The following ZNF266 variants were observed in gnomAD, a reference collection of about 807,000 sequenced individuals.
The protein encoded by ZNF266 is zinc finger protein 1.
In ZNF266, 16 loss-of-function variants were observed where a neutral mutation model predicts 16.4. The ratio of observed to expected loss-of-function variants is 0.98; its 90% confidence interval spans 0.66 to 1.48. ZNF266 has a LOEUF of 1.48. ZNF266 is among the 40% of genes most tolerant of loss of function. ZNF266 has a pLI of 0.00. For missense variants in ZNF266, 738 were observed against 689.1 expected (o/e 1.07, Z -0.79); for synonymous variants, 262 against 237.9 (o/e 1.10, Z -0.93).
chr19:9,417,297 G>A (rs1045515837), intron 9 of ZNF266, among the ~76,000 whole-genome samples: 9 of 152,050 alleles, frequency 5.9e-5, no homozygotes, highest in East Asian at 1.9e-4. Context: ...ACCTGAACCC[G>A]GGAGGCTGAA....
intron 5 of ZNF266, among the ~76,000 whole-genome samples, chr19:9,432,365 T>C (rs1023546614): frequency 3.3e-5 from 5 of 152,214 alleles, no homozygotes; most frequent in Non-Finnish European, 5.9e-5. Context: ...GGTTTGCCAA[T>C]ACACTCTCCA....
chr19:9,413,842 G>A lies in ZNF266; in HGVS notation c.1284C>T (p.Phe428=). ...PYKCKDCGKA[F]TQNSDLTKHA... ...GCTTAGTAAGGTCTGAGTTCTGAGT[G>A]AAGGCTTTCCCACAATCCTTACATT... The change falls in exon 11 of 11, where the codon TTC becomes TTT. Residue 428 remains phenylalanine (F), a synonymous_variant. Coordinates refer to ENST00000592904, the MANE Select transcript of ZNF266 (RefSeq NM_001370374.1). 1.2e-6 allele frequency: 2 copies of A among 1,614,092 alleles called. No individual in the cohort carries two copies. Among genetic ancestry groups the A allele is most frequent in the Non-Finnish European group, 8.5e-7 (1 of 1,179,980 alleles).
rs148389557 is a variant in ZNF266 at position 9,414,099 on chromosome 19, C to T, written c.1027G>A (p.Ala343Thr). The T allele has an allele frequency of 3.1e-5, 50 of 1,613,974 alleles. No individual in the cohort carries two copies. The highest frequency in any genetic ancestry group is 4.2e-5 in the Non-Finnish European group (49 of 1,180,022). Reference sequence around the variant, plus strand: ...CTTAAGCAAGAGGAAACAGTGAAGGCTCTCCCACAATCCTTACATTTATAA... The same window carrying T: ...CTTAAGCAAGAGGAAACAGTGAAGGTTCTCCCACAATCCTTACATTTATAA... ...KPYKCKDCGRAFTVSSCLSQH... is the reference protein window; with the variant it reads ...KPYKCKDCGRTFTVSSCLSQH... Residue 343 changes from alanine to threonine, a missense_variant, in exon 11 of 11, where the codon GCC becomes ACC. Coordinates refer to ENST00000592904, the MANE Select transcript of ZNF266 (RefSeq NM_001370374.1).
At chr19:9,424,863 A>G (rs575254951) in intron 5 of ZNF266, among the ~76,000 whole-genome samples, 4 of 152,328 alleles carry the variant, frequency 2.6e-5, no homozygotes, top group South Asian at 2.1e-4. Context: ...TTCTTCCCTC[A>G]TATCTTCTTA....
At chr19:9,431,325 C>G (rs1319577020) in intron 5 of ZNF266, among the ~76,000 whole-genome samples, 1 of 152,146 alleles carries the variant, frequency 6.6e-6, no homozygotes, top group Non-Finnish European at 1.5e-5. Flanking sequence ...AATATGGACG[C>G]CACATGCTCA....
In ZNF266 at chr19:9,413,583, A is replaced by G. The variant is rs1474365426; in HGVS notation, c.1543T>C (p.Ser515Pro). The G allele has an allele frequency of 6.2e-7, 1 of 1,614,068 alleles. No homozygotes were observed. The highest frequency in any genetic ancestry group is 8.5e-7 in the Non-Finnish European group (1 of 1,180,034). ...CGCATGTGATTATTAAGACTGGAGG[A>G]ATGCGTAAATGCTTTACCACATTCC... ...CLECGKAFTH[S>P]SSLNNHMRTH... Residue 515 changes from serine (S) to proline (P), a missense_variant, in exon 11 of 11, where the codon TCC becomes CCC. Physicochemically the swap from Ser to Pro is moderately conservative, Grantham distance 74. Coordinates refer to ENST00000592904, the MANE Select transcript of ZNF266 (RefSeq NM_001370374.1).
At position 9,413,684 on chromosome 19, in the gene ZNF266, C is replaced by T. The variant is rs866036678; in HGVS notation, c.1442G>A (p.Gly481Glu). The change falls in exon 11 of 11, where the codon GGG (glycine) becomes GAG (glutamate). Residue 481 changes from glycine (G) to glutamate (E), a missense_variant. By Grantham distance (98) the Gly-to-Glu change is moderately conservative. Transcript: ENST00000592904. ...GEKPFECVKC[G>E]KAFAISSNLS... ...ATTTGAAGAAATAGCAAAGGCTTTC[C>T]CACATTTGACACATTCAAAAGGCTT... 7.4e-6 allele frequency: 12 copies of T among 1,613,998 alleles called. No individual in the cohort carries two copies. Among genetic ancestry groups the T allele is most frequent in the Middle Eastern group, 1.6e-4 (1 of 6,084 alleles).
intron 9 of ZNF266, 27 bp from the exon 10 acceptor site, chr19:9,415,769 T>G (rs1324128675): frequency 1.3e-6 from 2 of 1,585,928 alleles, no homozygotes; most frequent in South Asian, 1.1e-5. Context: ...ATGTAAGGGT[T>G]TGGAGACATA....
chr19:9,432,854 A>G (rs1487465616), intron 5 of ZNF266, among the ~76,000 whole-genome samples: 1 of 152,176 alleles, frequency 6.6e-6, no homozygotes, highest in East Asian at 1.9e-4. Context: ...AGAAGCTCAA[A>G]AACAATAACA....
intron 10 of ZNF266, among the ~76,000 whole-genome samples, 191 bp downstream of exon 10, chr19:9,415,463 C>T (rs531700438): frequency 6.6e-6 from 1 of 152,234 alleles, no homozygotes; most frequent in African/African-American, 2.4e-5. Context: ...TAGTTTTTAG[C>T]GCCAAGATCT....
intron 8 of ZNF266, 43 bp downstream of exon 8, chr19:9,418,459 CATA>C (rs1568408893): frequency 6.2e-7 from 1 of 1,603,328 alleles, no homozygotes; most frequent in Admixed American, 1.7e-5. Flanking sequence ...AAGTACATAA[CATA>C]ATCTGTTCCA....
rs780128883 is a variant in ZNF266, at chr19:9,418,563, A to G, written c.177T>C (p.Thr59=). The G allele has an allele frequency of 6.2e-7, 1 of 1,614,084 alleles. No homozygotes were observed. Among genetic ancestry groups the G allele is most frequent in the Non-Finnish European group, 8.5e-7 (1 of 1,179,940 alleles). Residue 59 remains threonine, a synonymous_variant, in exon 8 of 11, where the codon ACT becomes ACC. Transcript: ENST00000592904. ...TPEEWTLLDP[T]QRNLYRDVML... ...TCACATCTCTGTAGAGGTTTCTCTG[A>G]GTTGGGTCCAGTAAAGTCCATTCTT...
chr19:9,418,018 A>C, intron 8 of ZNF266, 110 bp from the exon 9 acceptor site: 1 of 1,137,998 alleles, frequency 8.8e-7, no homozygotes. Flanking sequence ...TTATTTTAAA[A>C]GGGCTAAAAA....
chr19:9,420,994 A>G (rs2069784662), intron 5 of ZNF266, among the ~76,000 whole-genome samples: 1 of 151,596 alleles, frequency 6.6e-6, no homozygotes, highest in African/African-American at 2.4e-5. Context: ...CCCACTCCAT[A>G]TAAACCGAGT....
intron 9 of ZNF266, among the ~76,000 whole-genome samples, chr19:9,416,158 AACAAAC>A (rs2068942957): frequency 6.6e-6 from 1 of 152,164 alleles, no homozygotes; most frequent in Non-Finnish European, 1.5e-5. Context: ...GGTAACAAAA[AACAAAC>A]ACAAAGACAG....
intron 8 of ZNF266, among the ~76,000 whole-genome samples, chr19:9,418,267 T>G (rs1247964976): frequency 1.3e-5 from 2 of 152,228 alleles, no homozygotes; most frequent in Non-Finnish European, 2.9e-5. Flanking sequence ...CCTGTTGCAG[T>G]TTCTCACTGA....
At chr19:9,421,192 A>ACACCC (rs768487671) in intron 5 of ZNF266, among the ~76,000 whole-genome samples, 1 of 152,214 alleles carries the variant, frequency 6.6e-6, no homozygotes, top group Non-Finnish European at 1.5e-5. Flanking sequence ...TGAACCAGAT[A>ACACCC]CACCCCCACA....
At position 9,414,494 on chromosome 19, in the gene ZNF266, A is replaced by T; in HGVS notation, c.632T>A (p.Val211Asp). The T allele has an allele frequency of 1.9e-6, 3 of 1,614,204 alleles. No individual in the cohort carries two copies. The highest frequency in any genetic ancestry group is 2.5e-6 in the Non-Finnish European group (3 of 1,180,026). ...CGKAFSLNPD[V>D]VCQRTCTGEK... ...TCCTGTGCACGTTCTCTGGCAAACA[A>T]CATCTGGGTTCAGGCTGAAGGCTTT... The change falls in exon 11 of 11, where the codon GTT becomes GAT. Residue 211 changes from valine (V) to aspartate (D), a missense_variant. By Grantham distance (152) the Val-to-Asp change is radical. Transcript: ENST00000592904.
Position 9,413,791 on chromosome 19 carries a change from CCT to C in ZNF266, c.1333_1334del (p.Arg445AlafsTer3), listed in dbSNP as rs2068576969. The C allele has an allele frequency of 6.2e-7, 1 of 1,613,648 alleles. No homozygotes were observed. The highest frequency in any genetic ancestry group is 8.5e-7 in the Non-Finnish European group (1 of 1,179,930). On this transcript the variant is annotated frameshift_variant, in exon 11 of 11. Transcript: ENST00000592904. LOFTEE classifies it low-confidence loss of function (END_TRUNC). ...TKHARTHSGERPYECKECGKA... is the reference protein window; with the variant it reads ...TKHARTHSGEXPYECKECGKA... The stretch of plus-strand genomic sequence containing the variant: ...TTCCACATTCCTTACATTCATAGGG[CCT>C]CTCTCCACTGTGAGTTCGTGCATGC...
Sources: allele counts gnomAD v4.1 joint callset (sites outside exome capture counted in the v4.1 genomes callset), GRCh38; gene constraint gnomAD v4.1.1; transcripts MANE v1.5; gene names NCBI Gene and HGNC (gene_info 2026-07-23, HGNC 2026-07-21).